Variants in TENM3 observed in about 807,000 individuals in gnomAD.
TENM3 encodes the protein teneurin transmembrane protein 3.
TENM3 carries 63 observed loss-of-function variants against 255.1 expected under a neutral mutation model. The ratio of observed to expected loss-of-function variants is 0.25; its 90% CI spans 0.20 to 0.30. The LOEUF (loss-of-function observed/expected upper bound fraction) is 0.30, where lower values mean the gene tolerates loss of function less well. Ranked by LOEUF, TENM3 falls within the 10% of genes least tolerant of loss-of-function variation. TENM3 has a pLI of 1.00. For synonymous variants in TENM3, 1,306 were observed against 1,322.3 expected, an observed-to-expected ratio of 0.99 and a Z score of 0.27; for missense variants, 2,929 against 3,461.1, an observed-to-expected ratio of 0.85 and a Z score of 3.86.
At chr4:182,051,624 G>C in the TENM3 span, among the ~76,000 whole-genome samples, 1 of 151,960 alleles carries the variant, frequency 6.6e-6, no homozygotes. Context: ...TGATCTGCCC[G>C]CCTCGGGCAA....
In TENM3 at chr4:182,227,658, T is replaced by G. The variant is rs550683495; in HGVS notation, c.-76+82904T>G. On this transcript the variant is annotated intron_variant, in intron 1 of 2. Transcript: ENST00000512480. Reference sequence around the variant, plus strand: ...AGGGCTTTTTTTTTTTTTTTTTCCTTTTCAACCTTGTTGTCATTTCAAAAT... The same window carrying G: ...AGGGCTTTTTTTTTTTTTTTTTCCTGTTCAACCTTGTTGTCATTTCAAAAT... Among the ~76,000 whole-genome samples, 3 of 151,838 alleles carry G rather than the reference T, an allele frequency of 2.0e-5. No individual in the cohort carries two copies. The South Asian group carries it at 6.3e-4, about 32-fold the overall frequency.
At chr4:181,812,198 A>G in the TENM3 span, among the ~76,000 whole-genome samples, 1 of 152,214 alleles carries the variant, frequency 6.6e-6, no homozygotes, top group Admixed American at 6.5e-5. Flanking sequence ...GCTTTGAGAT[A>G]TCATAATAAC....
Position 182,457,567 on chromosome 4 carries a change from T to TTTTTTC in TENM3, c.511+110643_511+110644insCTTTTT, listed in dbSNP as rs1262849114. 2.7e-5 allele frequency among the ~76,000 whole-genome samples: 4 copies of TTTTTTC among 146,148 alleles called. 1 individual carries two copies. Among genetic ancestry groups the TTTTTTC allele is most frequent in the Non-Finnish European group, 4.5e-5 (3 of 66,338 alleles). On this transcript the variant is annotated intron_variant, in intron 3 of 27. Transcript: ENST00000511685. ...CCTAAATCATGTATATCTTTTTTTT[T>TTTTTTC]TTTTTTTTGAGGATAGACCTTGTCT...
the TENM3 span, among the ~76,000 whole-genome samples, chr4:181,737,456 C>A: frequency 6.6e-6 from 1 of 151,990 alleles, no homozygotes; most frequent in African/African-American, 2.4e-5. Context: ...TAGGAACTGA[C>A]AAGGAATGTA....
At chr4:182,001,943 G>C in the TENM3 span, among the ~76,000 whole-genome samples, 1 of 152,086 alleles carries the variant, frequency 6.6e-6, no homozygotes, top group Non-Finnish European at 1.5e-5. Flanking sequence ...TTCAGCATAG[G>C]AACTTGTATG....
intron 1 of TENM3, among the ~76,000 whole-genome samples, chr4:182,151,076 C>T (rs868539628): frequency 2.0e-5 from 3 of 152,092 alleles, no homozygotes; most frequent in Non-Finnish European, 2.9e-5. Context: ...ACAATAGGGG[C>T]GTTTCCAAAG....
At position 182,774,909 on chromosome 4, in the gene TENM3, G is replaced by A. The variant is rs781669417; in HGVS notation, c.5069-9G>A. 3.7e-5 allele frequency: 59 copies of A among 1,590,414 alleles called. No homozygotes were observed. Among genetic ancestry groups the A allele is most frequent in the Non-Finnish European group, 4.7e-5 (55 of 1,160,772 alleles). On this transcript the variant is annotated splice_polypyrimidine_tract_variant and intron_variant, in intron 23 of 27. Transcript: ENST00000511685. ...TAATAGTTCATGTTTTGTGCTTCTT[G>A]TTCTTTAGATCAGTTAAGAAACAGC... is the stretch of plus-strand genomic sequence containing the variant.
At chr4:182,017,413 T>C in the TENM3 span, among the ~76,000 whole-genome samples, 1 of 152,276 alleles carries the variant, frequency 6.6e-6, no homozygotes, top group East Asian at 1.9e-4. Context: ...GATTGAGTTT[T>C]ACGTAGTCAT....
At chr4:181,848,975 A>G in the TENM3 span, among the ~76,000 whole-genome samples, 14 of 152,164 alleles carry the variant, frequency 9.2e-5, no homozygotes, top group Middle Eastern at 3.2e-3. Context: ...GAGCCAATGT[A>G]TAGAACAACC....
intron 1 of TENM3, among the ~76,000 whole-genome samples, chr4:182,222,748 T>G (rs542063233): frequency 6.6e-6 from 1 of 152,318 alleles, no homozygotes; most frequent in South Asian, 2.1e-4. Flanking sequence ...ATTTATTCTT[T>G]TTTATTAGTA....
At chr4:181,561,412 T>C in the TENM3 span, among the ~76,000 whole-genome samples, 3 of 152,198 alleles carry the variant, frequency 2.0e-5, no homozygotes, top group Non-Finnish European at 1.5e-5. Flanking sequence ...TGGTGAGTAG[T>C]TGGATTTTTG....
the TENM3 span, among the ~76,000 whole-genome samples, chr4:182,049,409 G>A: frequency 6.6e-6 from 1 of 151,856 alleles, no homozygotes; most frequent in Non-Finnish European, 1.5e-5. Flanking sequence ...CCTGGAAAGG[G>A]ACAGTGAGAG....
upstream of TENM3, chr4:182,144,244 C>G (rs1446316378): frequency 6.6e-6 from 1 of 151,152 alleles, no homozygotes; most frequent in East Asian, 2.0e-4. Flanking sequence ...GTGTACGCGC[C>G]CGGGCTCGGG....
chr4:181,801,498 G>A, the TENM3 span, among the ~76,000 whole-genome samples: 1 of 151,958 alleles, frequency 6.6e-6, no homozygotes, highest in Non-Finnish European at 1.5e-5. Flanking sequence ...AGGGGGCCAT[G>A]TAGAGGAGAT....
intron 11 of TENM3, among the ~76,000 whole-genome samples, chr4:182,683,739 G>A (rs4618351): frequency 0.88 from 133,644 of 152,076 alleles, 59,147 homozygotes; most frequent in East Asian, 0.96. Flanking sequence ...TTGGAAAACT[G>A]TCCTGTAGAT....
At chr4:182,060,892 A>G in the TENM3 span, among the ~76,000 whole-genome samples, 141 of 152,344 alleles carry the variant, frequency 9.3e-4, 2 homozygotes, top group East Asian at 0.026. Flanking sequence ...AGGTATATGC[A>G]TTCCCCAGCT....
At chr4:182,714,016 C>A in intron 12 of TENM3, 71 bp from the exon 13 acceptor site, 1 of 1,340,490 alleles carries the variant, frequency 7.5e-7, no homozygotes, top group South Asian at 1.2e-5. Flanking sequence ...CTAAGTGTCC[C>A]TTATCTGTTT....
the TENM3 span, among the ~76,000 whole-genome samples, chr4:181,778,547 A>C: frequency 6.6e-6 from 1 of 152,150 alleles, no homozygotes; most frequent in Non-Finnish European, 1.5e-5. Context: ...GGCATGACTC[A>C]GTGTCTTTAT....
At chr4:182,646,416 A>G (rs1047904736) in intron 5 of TENM3, among the ~76,000 whole-genome samples, 1 of 152,126 alleles carries the variant, frequency 6.6e-6, no homozygotes, top group South Asian at 2.1e-4. Context: ...AAACAGGATG[A>G]ATATTGGCAC....
Sources: allele counts gnomAD v4.1 joint callset (sites outside exome capture counted in the v4.1 genomes callset), GRCh38; gene constraint gnomAD v4.1.1; transcripts MANE v1.5; gene names NCBI Gene and HGNC (gene_info 2026-07-23, HGNC 2026-07-21).